The following SKAP2 variants were observed in gnomAD, a reference collection of about 807,000 sequenced individuals.
SKAP2 encodes the protein src kinase-associated phosphoprotein 2.
Under a neutral mutation model 54.9 loss-of-function variants are expected in SKAP2, and 28 were observed. The ratio of observed to expected loss-of-function variants is 0.51; its 90% confidence interval spans 0.38 to 0.70. The LOEUF is 0.70. SKAP2 is among the 30% of genes least tolerant of loss of function. The pLI is 0.00. For missense variants in SKAP2, 356 were observed against 424.1 expected (o/e 0.84, Z 1.41); for synonymous variants, 137 against 134.3 (o/e 1.02, Z -0.14).
rs567055992 is a variant in SKAP2 at position 26,802,401 on chromosome 7, A to T, written c.307+41629T>A. Among the ~76,000 whole-genome samples the T allele has an allele frequency of 6.4e-4, 97 of 151,486 alleles. 1 individual carries two copies. Among genetic ancestry groups the T allele is most frequent in the Non-Finnish European group, 1.1e-3 (77 of 67,930 alleles). On this transcript the variant is annotated intron_variant, in intron 4 of 12. Transcript: ENST00000345317. Reference sequence around the variant, plus strand: ...ATTCTCCTGCCTCAGCCTCCCAAGTAGCTAGGGCTACAGACATGCACCACC... The same window carrying T: ...ATTCTCCTGCCTCAGCCTCCCAAGTTGCTAGGGCTACAGACATGCACCACC...
rs995819601 is a variant in SKAP2, at chr7:26,755,363, G to A, written c.308-15399C>T. 8.6e-5 allele frequency among the ~76,000 whole-genome samples: 13 copies of A among 150,542 alleles called. 1 individual carries two copies. In the Middle Eastern group the frequency reaches 0.01, roughly 119 times the overall value. ...ATAATTCCATACATGGATAAGAACT[G>A]GTACAGTCATTAACTTGTCAAATGA... is the stretch of plus-strand genomic sequence containing the variant. On this transcript the variant is annotated intron_variant, in intron 4 of 12. Transcript: ENST00000345317.
At chr7:26,713,736 A>C in intron 9 of SKAP2, among the ~76,000 whole-genome samples, 1 of 151,822 alleles carries the variant, frequency 6.6e-6, no homozygotes, top group East Asian at 1.9e-4. Context: ...AGTAGCTGGG[A>C]CTACAGGTGC....
At chr7:26,823,192 G>A (rs1053642063) in intron 4 of SKAP2, among the ~76,000 whole-genome samples, 8 of 152,020 alleles carry the variant, frequency 5.3e-5, no homozygotes, top group Admixed American at 2.0e-4. Context: ...TTGGAAGGCC[G>A]AGGCAGGAGG....
At chr7:26,832,226 C>T (rs1254317779) in intron 4 of SKAP2, among the ~76,000 whole-genome samples, 1 of 152,056 alleles carries the variant, frequency 6.6e-6, no homozygotes, top group African/African-American at 2.4e-5. Flanking sequence ...TACCTTTTAC[C>T]CAAAACAACA....
chr7:26,800,898 T>C (rs1387392103), intron 4 of SKAP2, among the ~76,000 whole-genome samples: 1 of 152,194 alleles, frequency 6.6e-6, no homozygotes, highest in Non-Finnish European at 1.5e-5. Flanking sequence ...ATGGCTTCAC[T>C]GCTGAATTCT....
chr7:26,838,705 G>A (rs537831608), intron 4 of SKAP2, among the ~76,000 whole-genome samples: 1 of 152,196 alleles, frequency 6.6e-6, no homozygotes, highest in East Asian at 1.9e-4. Flanking sequence ...TTTTTGACAG[G>A]ATGCTAAAAC....
intron 6 of SKAP2, among the ~76,000 whole-genome samples, chr7:26,731,001 T>C (rs1432736459): frequency 6.6e-6 from 1 of 152,124 alleles, no homozygotes; most frequent in Non-Finnish European, 1.5e-5. Flanking sequence ...CCAGCACTGA[T>C]GGGAAAACAA....
At chr7:26,676,774 G>A (rs1188131350) in intron 11 of SKAP2, among the ~76,000 whole-genome samples, 1 of 152,180 alleles carries the variant, frequency 6.6e-6, no homozygotes, top group African/African-American at 2.4e-5. Context: ...TATATTGAAT[G>A]TTAGGTAAGA....
intron 5 of SKAP2, 144 bp from the exon 6 acceptor site, chr7:26,739,022 C>T: frequency 1.6e-6 from 1 of 634,662 alleles, no homozygotes; most frequent in South Asian, 1.9e-5. Flanking sequence ...AACCAAACAA[C>T]AACAAACCAA....
At chr7:26,844,434 A>G (rs1784883950) in intron 3 of SKAP2, among the ~76,000 whole-genome samples, 1 of 152,154 alleles carries the variant, frequency 6.6e-6, no homozygotes, top group South Asian at 2.1e-4. Context: ...GAAGAATCCA[A>G]AAAGTAGAAG....
chr7:26,727,238 G>C (rs1328721528), intron 6 of SKAP2, among the ~76,000 whole-genome samples: 1 of 151,998 alleles, frequency 6.6e-6, no homozygotes, highest in Non-Finnish European at 1.5e-5. Flanking sequence ...TATTTGGAAG[G>C]AAGTATGGAA....
intron 4 of SKAP2, among the ~76,000 whole-genome samples, chr7:26,751,927 TA>T (rs896492012): frequency 7.3e-5 from 11 of 151,178 alleles, no homozygotes; most frequent in African/African-American, 2.7e-4. Context: ...AAAGGAAGGG[TA>T]AGGAAAGGGA....
intron 4 of SKAP2, among the ~76,000 whole-genome samples, chr7:26,839,095 C>T (rs930421298): frequency 1.2e-4 from 18 of 151,998 alleles, no homozygotes; most frequent in African/African-American, 2.7e-4. Context: ...TAGTATCATC[C>T]GTCCACTCTG....
chr7:26,679,361 CA>C (rs1478529238), intron 11 of SKAP2, among the ~76,000 whole-genome samples: 1 of 152,180 alleles, frequency 6.6e-6, no homozygotes, highest in East Asian at 1.9e-4. Context: ...AGAACTAGAA[CA>C]TTTTCTGACA....
At chr7:26,833,004 C>A (rs1032952746) in intron 4 of SKAP2, among the ~76,000 whole-genome samples, 1 of 152,118 alleles carries the variant, frequency 6.6e-6, no homozygotes. Flanking sequence ...TCTAAGCAAG[C>A]GAACTAGCTC....
At chr7:26,817,567 C>A (rs1308707457) in intron 4 of SKAP2, among the ~76,000 whole-genome samples, 1 of 152,234 alleles carries the variant, frequency 6.6e-6, no homozygotes, top group East Asian at 1.9e-4. Flanking sequence ...CAGACAACAA[C>A]ATTAAGACTT....
chr7:26,828,400 G>A lies in SKAP2; in HGVS notation c.307+15630C>T, dbSNP rs148096273. Among the ~76,000 whole-genome samples the A allele has an allele frequency of 3.0e-3, 462 of 152,272 alleles. 1 individual carries two copies. The highest frequency in any genetic ancestry group is 0.011 in the African/African-American group (437 of 41,568). ...TGAGCTTAAAAGGTATAGCAAGGCC[G>A]GGCGCGGTGGCTAACACCTGTAATC... is the stretch of plus-strand genomic sequence containing the variant. On this transcript the variant is annotated intron_variant, in intron 4 of 12. Coordinates refer to ENST00000345317, the MANE Select transcript of SKAP2 (RefSeq NM_003930.5).
intron 4 of SKAP2, among the ~76,000 whole-genome samples, chr7:26,740,580 T>C (rs4719879): frequency 0.54 from 82,633 of 152,018 alleles, 23,233 homozygotes; most frequent in East Asian, 0.88. Context: ...CTAAAAAAAG[T>C]TTTTAAATCA....
In SKAP2 at chr7:26,845,269, T is replaced by G. The variant is rs77276143; in HGVS notation, c.200-1132A>C. Among the ~76,000 whole-genome samples, 9 of 152,330 alleles carry G rather than the reference T, an allele frequency of 5.9e-5. No homozygotes were observed. The East Asian group carries it at 1.7e-3, about 29-fold the overall frequency. On this transcript the variant is annotated intron_variant, in intron 3 of 12. Coordinates refer to ENST00000345317, the MANE Select transcript of SKAP2 (RefSeq NM_003930.5). The stretch of plus-strand genomic sequence containing the variant: ...TCTTTGTCCTCTGACACCCATTTGA[T>G]GGGTGTCACCCTATTTGTTACCACA...
Sources: allele counts gnomAD v4.1 joint callset (sites outside exome capture counted in the v4.1 genomes callset), GRCh38; gene constraint gnomAD v4.1.1; transcripts MANE v1.5; gene names NCBI Gene and HGNC (gene_info 2026-07-23, HGNC 2026-07-21).